Variants in KAZN observed in about 807,000 individuals in gnomAD.
KAZN encodes kazrin, periplakin interacting protein, also known as kazrin.
In KAZN, 40 loss-of-function variants were observed where a neutral mutation model predicts 87.4. The ratio of observed to expected loss-of-function variants is 0.46; its 90% confidence interval spans 0.36 to 0.60. KAZN has a LOEUF of 0.60. Ranked by LOEUF, KAZN falls within the 20% of genes least tolerant of loss-of-function variation. KAZN has a pLI of 0.00. For synonymous variants in KAZN, 466 were observed against 458.3 expected, an observed-to-expected ratio of 1.02 and a Z score of -0.22; for missense variants, 898 against 1,073.9, an observed-to-expected ratio of 0.84 and a Z score of 2.29.
chr1:14,914,535 T>C (rs1280490142), intron 1 of KAZN, among the ~76,000 whole-genome samples: 7 of 152,166 alleles, frequency 4.6e-5, no homozygotes, highest in Admixed American at 1.3e-4. Flanking sequence ...CTAGGAGAGA[T>C]GGGCACTTTA....
chr1:14,581,450 G>A (rs563346110), intron 2 of KAZN, among the ~76,000 whole-genome samples: 6 of 152,178 alleles, frequency 3.9e-5, no homozygotes, highest in Admixed American at 1.3e-4. Context: ...AAACCACCGT[G>A]GTACCCTGCT....
At chr1:14,428,509 G>T (rs1487368702) in intron 2 of KAZN, among the ~76,000 whole-genome samples, 1 of 152,130 alleles carries the variant, frequency 6.6e-6, no homozygotes, top group Non-Finnish European at 1.5e-5. Context: ...ACCCTACAAA[G>T]ATCTTTTCTA....
chr1:14,167,458 C>T (rs1484080713), intron 1 of KAZN, among the ~76,000 whole-genome samples: 8 of 152,172 alleles, frequency 5.3e-5, no homozygotes, highest in Non-Finnish European at 1.2e-4. Flanking sequence ...CATGGTGGCT[C>T]ATGTCTGTAA....
At chr1:14,703,798 G>A (rs1203989643) in intron 1 of KAZN, among the ~76,000 whole-genome samples, 1 of 152,214 alleles carries the variant, frequency 6.6e-6, no homozygotes, top group African/African-American at 2.4e-5. Context: ...AGGAGTTGTT[G>A]AGCCCAGGAG....
chr1:15,073,148 A>G (rs1573252392), intron 8 of KAZN, among the ~76,000 whole-genome samples: 1 of 152,170 alleles, frequency 6.6e-6, no homozygotes, highest in Admixed American at 6.5e-5. Flanking sequence ...AGTCCACGTG[A>G]AAGGTCCCAT....
At chr1:14,423,515 CT>C (rs1665547046) in intron 2 of KAZN, among the ~76,000 whole-genome samples, 1 of 152,196 alleles carries the variant, frequency 6.6e-6, no homozygotes, top group South Asian at 2.1e-4. Flanking sequence ...CAGAACCCAG[CT>C]TTTGAAGACC....
chr1:14,393,952 AATGGT>A (rs1662672507), intron 2 of KAZN, among the ~76,000 whole-genome samples: 1 of 151,958 alleles, frequency 6.6e-6, no homozygotes, highest in South Asian at 2.1e-4. Flanking sequence ...AACTCATTTT[AATGGT>A]ATCAGGAGAA....
rs111290403 is a variant in KAZN, at chr1:14,755,117, G to C, written c.226+155894G>C. Among the ~76,000 whole-genome samples the C allele has an allele frequency of 4.3e-3, 649 of 150,508 alleles. 8 individuals are homozygous for C. The highest frequency in any genetic ancestry group is 0.014 in the African/African-American group (581 of 40,934). Reference sequence around the variant, plus strand: ...AAAAAAAAAAAAATAGCCAGGTGTGGTGGCGTGTGCCCACAGTTCCAGCTA... The same window carrying C: ...AAAAAAAAAAAAATAGCCAGGTGTGCTGGCGTGTGCCCACAGTTCCAGCTA... On this transcript the variant is annotated intron_variant, in intron 1 of 14. Coordinates refer to ENST00000376030, the MANE Select transcript of KAZN (RefSeq NM_201628.3).
At chr1:14,763,668 T>C (rs968864679) in intron 1 of KAZN, among the ~76,000 whole-genome samples, 25 of 152,218 alleles carry the variant, frequency 1.6e-4, no homozygotes, top group African/African-American at 5.8e-4. Flanking sequence ...GCCTTTTCCT[T>C]TGGAGTAGGA....
intron 2 of KAZN, among the ~76,000 whole-genome samples, chr1:14,370,036 C>T (rs939910516): frequency 1.3e-5 from 2 of 152,200 alleles, no homozygotes; most frequent in Non-Finnish European, 2.9e-5. Context: ...GGCCCCTCTC[C>T]AGCCCACAAT....
In KAZN at chr1:14,224,367, G is replaced by A. The variant is rs116600969; in HGVS notation, c.249+43775G>A. ...TTCTTTGGATTTTAAAGGTTGTACC[G>A]AAGCTGACAATGAAGAGTAGAACAT... On this transcript the variant is annotated intron_variant, in intron 2 of 16. Transcript: ENST00000636203. Among the ~76,000 whole-genome samples the A allele has an allele frequency of 2.1e-3, 322 of 152,252 alleles. 1 individual carries two copies. Among genetic ancestry groups the A allele is most frequent in the Non-Finnish European group, 3.3e-3 (226 of 68,002 alleles).
intron 6 of KAZN, chr1:15,062,405 C>T (rs41269411): frequency 0.049 from 7,468 of 152,654 alleles, 199 homozygotes; most frequent in South Asian, 0.071. Context: ...TTCATTAATT[C>T]CCTCACTTCC....
At chr1:14,417,251 T>C (rs1259457564) in intron 2 of KAZN, among the ~76,000 whole-genome samples, 2 of 152,086 alleles carry the variant, frequency 1.3e-5, no homozygotes, top group Admixed American at 6.5e-5. Flanking sequence ...TATTATTCCA[T>C]TGATGAAATC....
intron 1 of KAZN, among the ~76,000 whole-genome samples, chr1:14,006,927 G>A (rs1235521845): frequency 6.6e-6 from 1 of 152,098 alleles, no homozygotes; most frequent in African/African-American, 2.4e-5. Flanking sequence ...TGAGTGTTAA[G>A]GACATTTTAA....
intron 1 of KAZN, among the ~76,000 whole-genome samples, chr1:14,066,643 G>T (rs569351285): frequency 6.6e-6 from 1 of 152,152 alleles, no homozygotes; most frequent in Non-Finnish European, 1.5e-5. Context: ...TGAAGTTGCC[G>T]CCCTCTGTTG....
At chr1:14,051,629 C>T (rs1326764191) in intron 1 of KAZN, among the ~76,000 whole-genome samples, 1 of 152,078 alleles carries the variant, frequency 6.6e-6, no homozygotes, top group Non-Finnish European at 1.5e-5. Flanking sequence ...CGCTTCAGTC[C>T]AGGAGTTTGA....
At chr1:14,960,970 C>T in intron 2 of KAZN, 95 bp downstream of exon 2, 1 of 1,319,384 alleles carries the variant, frequency 7.6e-7, no homozygotes, top group Non-Finnish European at 1.0e-6. Context: ...CAGATGGACA[C>T]AGGGGTCTCC....
At chr1:14,562,073 T>A (rs1041176718) in intron 2 of KAZN, among the ~76,000 whole-genome samples, 5 of 152,128 alleles carry the variant, frequency 3.3e-5, no homozygotes, top group Non-Finnish European at 1.5e-5. Context: ...ACCAGGCAAG[T>A]GGAAGTGGCA....
At chr1:14,249,455 C>G (rs1649810246) in intron 2 of KAZN, among the ~76,000 whole-genome samples, 1 of 152,158 alleles carries the variant, frequency 6.6e-6, no homozygotes, top group Admixed American at 6.5e-5. Context: ...CCCACAAAAT[C>G]AGGAAGTTCC....
Sources: gnomAD v4.1 joint callset for allele counts (sites outside exome capture counted in the v4.1 genomes callset) on GRCh38, gnomAD v4.1.1 for gene constraint, MANE v1.5 for transcripts, NCBI Gene and HGNC (gene_info 2026-07-23, HGNC 2026-07-21) for gene names.